SNPH: variants seen among roughly 807,000 people sequenced by gnomAD.
SNPH encodes the protein syntaphilin.
Under a neutral mutation model 36.8 loss-of-function variants are expected in SNPH, and 10 were observed. The ratio of observed to expected loss-of-function variants is 0.27; its 90% CI spans 0.17 to 0.46. The LOEUF (loss-of-function observed/expected upper bound fraction) is 0.46, where lower values mean the gene tolerates loss of function less well. Ranked by LOEUF, SNPH falls within the 20% of genes least tolerant of loss-of-function variation. The probability of loss-of-function intolerance (pLI) is 1.00; values close to 1 mark genes in which losing one functional copy is unlikely to be tolerated. For synonymous variants in SNPH, 281 were observed against 312.2 expected, an observed-to-expected ratio of 0.90 and a Z score of 1.05; for missense variants, 622 against 744.0, an observed-to-expected ratio of 0.84 and a Z score of 1.91.
In SNPH at chr20:1,305,046, G is replaced by A. The variant is rs754354340; in HGVS notation, c.609G>A (p.Lys203=). 7 of 1,613,982 alleles carry A rather than the reference G, an allele frequency of 4.3e-6. No individual in the cohort carries two copies. Among genetic ancestry groups the A allele is most frequent in the Non-Finnish European group, 5.9e-6 (7 of 1,180,056 alleles). ...CTGTCAAGAACAACCTGATTGACAA[G>A]GACAAGGGGCTGCAGAAGTACTTCG... The part of the protein sequence containing the change: ...IDTVKNNLID[K]DKGLQKYFVD... The change falls in exon 7 of 7, where the codon AAG becomes AAA. Residue 203 remains lysine (K), a synonymous_variant. Transcript: ENST00000381867.
In SNPH at chr20:1,276,124, G is replaced by A. The variant is rs1283218042; in HGVS notation, c.-493+9364G>A. 6.6e-6 allele frequency among the ~76,000 whole-genome samples: 1 copy of A among 152,166 alleles called. No individual in the cohort carries two copies. Among genetic ancestry groups the A allele is most frequent in the Non-Finnish European group, 1.5e-5 (1 of 68,024 alleles). ...TCCTGTTCCCTGACTGCAGAGACCA[G>A]CCCTCCCTGGGTGGCACGCAGGGCC... On this transcript the variant is annotated intron_variant, in intron 2 of 6. Transcript: ENST00000381867. This position sits in a 1 kb window ranked among gnomAD's most constrained non-coding sequence, Gnocchi z 4.6.
Position 1,305,672 on chromosome 20 carries a change from C to T in SNPH, c.1235C>T (p.Thr412Ile). The T allele has an allele frequency of 6.2e-7, 1 of 1,611,952 alleles. No homozygotes were observed. Among genetic ancestry groups the T allele is most frequent in the South Asian group, 1.1e-5 (1 of 90,838 alleles). The change falls in exon 7 of 7, where the codon ACA becomes ATA. Residue 412 changes from threonine to isoleucine, a missense_variant. This residue lies in a region of SNPH where 379 missense variants were observed against 427.9 expected (regional missense o/e 0.89). Coordinates refer to ENST00000381867, the MANE Select transcript of SNPH (RefSeq NM_001318234.2). ...GACCCCAACTCAGCAGTGGTGGTGA[C>T]AGTGGGTGATGAGCTAGAGGCCCCA... The part of the protein sequence containing the change: ...PRDPNSAVVV[T>I]VGDELEAPEP...
chr20:1,277,662 G>A (rs6078444), intron 2 of SNPH, among the ~76,000 whole-genome samples: 5,550 of 147,686 alleles, frequency 0.038, 124 homozygotes, highest in Middle Eastern at 0.055. Flanking sequence ...CTGTGTATCT[G>A]TGTGTGTCCG....
At chr20:1,281,394 G>C (rs1568541802) in intron 2 of SNPH, among the ~76,000 whole-genome samples, 1 of 152,168 alleles carries the variant, frequency 6.6e-6, no homozygotes, top group Non-Finnish European at 1.5e-5. Context: ...TGAGCCTTAG[G>C]CCTGCCTTGA....
At chr20:1,269,773 C>T (rs573631447) in intron 2 of SNPH, among the ~76,000 whole-genome samples, 1 of 152,264 alleles carries the variant, frequency 6.6e-6, no homozygotes, top group Admixed American at 6.5e-5. Context: ...GAATGACAGT[C>T]AGGACAGACA....
At position 1,296,210 on chromosome 20, in the gene SNPH, G is replaced by A. The variant is rs773622068; in HGVS notation, c.-30G>A. On this transcript the variant is annotated 5_prime_UTR_variant, in exon 4 of 7. It adds an upstream start codon to the 5' untranslated region. Transcript: ENST00000381867. Reference sequence around the variant, plus strand: ...GGTCTGCCAGGCCCTCGCTCCTGGGGTGTCCTGCCGAAGGGTGAGAAGAGA... The same window carrying A: ...GGTCTGCCAGGCCCTCGCTCCTGGGATGTCCTGCCGAAGGGTGAGAAGAGA... 4.4e-4 allele frequency: 657 copies of A among 1,492,542 alleles called. 1 individual carries two copies. Among genetic ancestry groups the A allele is most frequent in the Non-Finnish European group, 5.4e-4 (609 of 1,123,168 alleles). 92.5% of individuals were successfully genotyped at this position (1,492,542 alleles called of 1,614,324 possible). A position where few individuals can be genotyped will look rare whatever the true frequency, so the allele number is the denominator to read the frequency against.
intron 4 of SNPH, 60 bp from the exon 5 acceptor site, chr20:1,297,085 C>T: frequency 6.5e-7 from 1 of 1,548,472 alleles, no homozygotes; most frequent in African/African-American, 1.4e-5. Context: ...CAGTGTTCGC[C>T]CAGTGTCCGC....
chr20:1,278,118 G>GTA (rs2088173681), intron 2 of SNPH, among the ~76,000 whole-genome samples: 1 of 150,422 alleles, frequency 6.6e-6, no homozygotes, highest in Non-Finnish European at 1.5e-5. Context: ...GTTTGTGTGT[G>GTA]TATCTGTGTG....
rs1350523675 is a variant in SNPH at position 1,296,403 on chromosome 20, C to T, written c.164C>T (p.Thr55Ile). Residue 55 changes from threonine to isoleucine, a missense_variant, in exon 4 of 7, where the codon ACC becomes ATC. By Grantham distance (89) the Thr-to-Ile change is moderately conservative (BLOSUM62 -1). Transcript: ENST00000381867. ...MAMSLPGSRR[T>I]SAGSRRRTSP... ...ATGTCCCTGCCAGGAAGTAGACGGACCTCTGCTGGATCACGCAGGTGAGTC... is the reference window on the plus strand; with the variant it reads ...ATGTCCCTGCCAGGAAGTAGACGGATCTCTGCTGGATCACGCAGGTGAGTC... 5 of 1,603,728 alleles carry T rather than the reference C, an allele frequency of 3.1e-6. No homozygotes were observed. Among genetic ancestry groups the T allele is most frequent in the Non-Finnish European group, 4.3e-6 (5 of 1,175,286 alleles).
Position 1,306,173 on chromosome 20 carries a change from TC to T in SNPH, c.*120del, listed in dbSNP as rs2088577350. On this transcript the variant is annotated 3_prime_UTR_variant, in exon 7 of 7. Transcript: ENST00000381867. ...ATTTAGTTTTGGGTGTGGAACTGTT[TC>T]TTTTTTTCAAGATGTTAAAACAGTC... 1.1e-6 allele frequency: 1 copy of T among 906,528 alleles called. No homozygotes were observed. The allele number at this position is 906,528 out of a possible 1,614,324, so 56.2% of individuals were successfully genotyped here. A position where few individuals can be genotyped will look rare whatever the true frequency, so the allele number is the denominator to read the frequency against.
rs528268941 is a variant in SNPH at position 1,276,755 on chromosome 20, C to T, written c.-493+9995C>T. 2.0e-5 allele frequency among the ~76,000 whole-genome samples: 3 copies of T among 152,300 alleles called. No individual in the cohort carries two copies. Among genetic ancestry groups the T allele is most frequent in the African/African-American group, 7.2e-5 (3 of 41,562 alleles). On this transcript the variant is annotated intron_variant, in intron 2 of 6. Transcript: ENST00000381867. This position sits in a 1 kb window ranked among gnomAD's most constrained non-coding sequence, Gnocchi z 4.6. The stretch of plus-strand genomic sequence containing the variant: ...ACATCTTCATTTGGCAGTGAGCTCC[C>T]TCCTCACTGGAGGTATTCAAACTGG...
chr20:1,288,246 A>T (rs540146424), intron 2 of SNPH, among the ~76,000 whole-genome samples: 8 of 152,326 alleles, frequency 5.3e-5, no homozygotes, highest in Middle Eastern at 3.4e-3. Flanking sequence ...TGATAGCAAG[A>T]AATGTTCAGT....
chr20:1,293,062 A>G (rs574925984), intron 2 of SNPH, among the ~76,000 whole-genome samples: 2 of 152,334 alleles, frequency 1.3e-5, no homozygotes, highest in South Asian at 4.1e-4. Context: ...CAGTAACCAT[A>G]TGAGGTGCAT....
At position 1,306,342 on chromosome 20, in the gene SNPH, C is replaced by T. The variant is rs6033383; in HGVS notation, c.*288C>T. ...AGGGCCAACCCGGCCCCTCTGTCCC[C>T]TTGGCTCTTCAGACAGGGCCAGCCC... On this transcript the variant is annotated 3_prime_UTR_variant, in exon 7 of 7. Coordinates refer to ENST00000381867, the MANE Select transcript of SNPH (RefSeq NM_001318234.2). 3.0e-6 allele frequency: 1 copy of T among 336,300 alleles called. No homozygotes were observed. Among genetic ancestry groups the T allele is most frequent in the Non-Finnish European group, 5.3e-6 (1 of 187,246 alleles). 20.8% of individuals were successfully genotyped at this position (336,300 alleles called of 1,614,324 possible). A position where few individuals can be genotyped will look rare whatever the true frequency, so the allele number is the denominator to read the frequency against.
chr20:1,291,803 C>T (rs1383279321), intron 2 of SNPH, among the ~76,000 whole-genome samples: 1 of 152,164 alleles, frequency 6.6e-6, no homozygotes, highest in Non-Finnish European at 1.5e-5. Context: ...CATACAGGGA[C>T]TTTTGCTTAG....
At chr20:1,300,537 C>A in intron 5 of SNPH, 25 bp from the exon 6 acceptor site, 1 of 1,613,642 alleles carries the variant, frequency 6.2e-7, no homozygotes, top group Non-Finnish European at 8.5e-7. Flanking sequence ...TTCCTCCCTC[C>A]CTGATGATGG....
rs1383712976 is a variant in SNPH at position 1,306,037 on chromosome 20, G to T, written c.1600G>T (p.Gly534Cys). 2 of 1,477,742 alleles carry T rather than the reference G, an allele frequency of 1.4e-6. No homozygotes were observed. Among genetic ancestry groups the T allele is most frequent in the Non-Finnish European group, 9.0e-7 (1 of 1,115,308 alleles). 91.5% of individuals were successfully genotyped at this position (1,477,742 alleles called of 1,614,324 possible). Reference protein sequence around the residue: ...LSQPSPSPAGGGSQL With the variant: ...LSQPSPSPAGCGSQL ...CCAGCCGAGTCCCAGCCCAGCGGGC[G>T]GCGGCTCCCAGCTCTGAGGGGGCCC... The change falls in exon 7 of 7, where the codon GGC (glycine) becomes TGC (cysteine). Residue 534 changes from glycine (G) to cysteine (C), a missense_variant. By Grantham distance (159) the Gly-to-Cys change is radical. Transcript: ENST00000381867.
At chr20:1,297,638 C>A (rs1413576154) in intron 5 of SNPH, among the ~76,000 whole-genome samples, 1 of 152,190 alleles carries the variant, frequency 6.6e-6, no homozygotes, top group Non-Finnish European at 1.5e-5. Context: ...ATCAGGCCTG[C>A]CCTCCAGGAA....
chr20:1,300,808 T>TG (rs1056942286), intron 6 of SNPH, 97 bp downstream of exon 6: 8 of 1,258,172 alleles, frequency 6.4e-6, no homozygotes, highest in African/African-American at 1.5e-5. Context: ...GAGGAGTGGC[T>TG]GGGGGTCTCC....
Sources: gnomAD v4.1 joint callset for allele counts (sites outside exome capture counted in the v4.1 genomes callset) on GRCh38, gnomAD v4.1.1 for gene constraint, gnomAD v4.1.1 regional missense constraint, Gnocchi (gnomAD v3.1) non-coding constraint, MANE v1.5 for transcripts, NCBI Gene and HGNC (gene_info 2026-07-23, HGNC 2026-07-21) for gene names.